Variants in CCNG1 observed in about 807,000 individuals in gnomAD.
CCNG1 encodes the protein cyclin-G1.
A neutral mutation model predicts 30.0 loss-of-function variants in CCNG1; 13 were observed. The ratio of observed to expected loss-of-function variants is 0.43; its 90% CI spans 0.28 to 0.69. The LOEUF (loss-of-function observed/expected upper bound fraction) is 0.69. Among genes scored for constraint, CCNG1 ranks in the 30% least tolerant of loss-of-function variants. The probability of loss-of-function intolerance (pLI) is 0.16; values close to 1 mark genes in which losing one functional copy is unlikely to be tolerated. For missense variants in CCNG1, 285 were observed against 331.4 expected, an observed-to-expected ratio of 0.86 and a Z score of 1.09; for synonymous variants, 110 against 121.5, an observed-to-expected ratio of 0.91 and a Z score of 0.62.
At chr5:163,438,733 A>G (rs1266588586) in intron 1 of CCNG1, among the ~76,000 whole-genome samples, 2 of 152,218 alleles carry the variant, frequency 1.3e-5, no homozygotes, top group African/African-American at 4.8e-5. Flanking sequence ...ATTTTTCTAA[A>G]AAGCATGGTT....
chr5:163,443,768 C>T lies in CCNG1; in HGVS notation c.*98C>T. On this transcript the variant is annotated 3_prime_UTR_variant, in exon 7 of 7. Transcript: ENST00000340828. Reference sequence around the variant, plus strand: ...TTACAATGGATTTAAGCTATGAAGCCTCAAAACATCACGAGATAAGCATGA... The same window carrying T: ...TTACAATGGATTTAAGCTATGAAGCTTCAAAACATCACGAGATAAGCATGA... The T allele has an allele frequency of 1.5e-6, 2 of 1,351,452 alleles. No homozygotes were observed. The highest frequency in any genetic ancestry group is 1.0e-6 in the Non-Finnish European group (1 of 986,384). 83.7% of individuals were successfully genotyped at this position (1,351,452 alleles called of 1,614,324 possible).
intron 2 of CCNG1, among the ~76,000 whole-genome samples, chr5:163,440,850 A>T (rs1284258760): frequency 1.3e-5 from 2 of 152,202 alleles, no homozygotes; most frequent in Admixed American, 1.3e-4. Flanking sequence ...GCCAAACATT[A>T]TACTGAAACT....
At chr5:163,437,978 C>CT (rs1757574171) in intron 1 of CCNG1, among the ~76,000 whole-genome samples, 174 bp downstream of exon 1, 1 of 152,148 alleles carries the variant, frequency 6.6e-6, no homozygotes. Context: ...ATCCGGCCTC[C>CT]TGAGGTGCCT....
At chr5:163,441,430 A>G (rs1757813108) in intron 3 of CCNG1, 99 bp downstream of exon 3, 2 of 1,140,074 alleles carry the variant, frequency 1.8e-6, no homozygotes, top group Admixed American at 2.8e-5. Flanking sequence ...TCTAATAAAA[A>G]TAAGTAAAAT....
chr5:163,456,922 G>C, the CCNG1 span: 1 of 1,593,864 alleles, frequency 6.3e-7, no homozygotes, highest in Non-Finnish European at 8.6e-7. Flanking sequence ...CACTTCATCT[G>C]ACTTACTTCT....
Position 163,439,392 on chromosome 5 carries a change from A to C in CCNG1, c.136A>C (p.Arg46=), listed in dbSNP as rs1262453538. The C allele has an allele frequency of 1.2e-6, 2 of 1,614,130 alleles. No homozygotes were observed. The highest frequency in any genetic ancestry group is 1.7e-6 in the Non-Finnish European group (2 of 1,180,046). ...TGAGTCTGCACACGATAATGGCCTCAGAATGACTGCAAGACTAAGGGACTT... is the reference window on the plus strand; with the variant it reads ...TGAGTCTGCACACGATAATGGCCTCCGAATGACTGCAAGACTAAGGGACTT... ...LIESAHDNGL[R]MTARLRDFEV... The change falls in exon 2 of 7, where the codon AGA becomes CGA. Residue 46 remains arginine (R), a synonymous_variant. Transcript: ENST00000340828.
At chr5:163,456,996 T>C in the CCNG1 span, 8 of 1,613,440 alleles carry the variant, frequency 5.0e-6, no homozygotes, top group African/African-American at 1.1e-4. Context: ...ATCCGCTGCA[T>C]ATTCAGATTC....
At chr5:163,445,578 G>A (rs575880468), downstream of CCNG1, among the ~76,000 whole-genome samples, 15 of 150,334 alleles carry the variant, frequency 1.0e-4, no homozygotes, top group East Asian at 1.4e-3. Context: ...CTTAGCTTCC[G>A]AAATAGCTAG....
chr5:163,453,185 TA>T, the CCNG1 span: 1 of 152,154 alleles, frequency 6.6e-6, no homozygotes, highest in African/African-American at 2.4e-5. Flanking sequence ...TTTCAAGAGT[TA>T]AAAAGGGCAA....
At chr5:163,457,571 A>G in the CCNG1 span, 2 of 1,573,374 alleles carry the variant, frequency 1.3e-6, no homozygotes, top group Non-Finnish European at 1.7e-6. Flanking sequence ...CCCAAAGTCC[A>G]TGTTCCCTCA....
At chr5:163,443,192 G>T (rs527314867) in intron 6 of CCNG1, among the ~76,000 whole-genome samples, 5 of 151,924 alleles carry the variant, frequency 3.3e-5, no homozygotes, top group Non-Finnish European at 7.4e-5. Flanking sequence ...GGCGCCTGTA[G>T]TCCCAGCTAC....
At chr5:163,443,525 ATTTATTC>A in intron 6 of CCNG1, 142 bp from the exon 7 acceptor site, 1 of 586,792 alleles carries the variant, frequency 1.7e-6, no homozygotes. Flanking sequence ...CTCAGTGATG[ATTTATTC>A]TACTCAAAAC....
chr5:163,447,518 T>C (rs1326389373), downstream of CCNG1: 5 of 151,278 alleles, frequency 3.3e-5, no homozygotes, highest in Non-Finnish European at 7.4e-5. Flanking sequence ...TCATTTACAG[T>C]TGGAAACTTA....
At chr5:163,457,627 TA>T in the CCNG1 span, 1 of 1,506,736 alleles carries the variant, frequency 6.6e-7, no homozygotes, top group Non-Finnish European at 9.2e-7. Context: ...AATAAACATA[TA>T]AGGTGCTAAA....
the CCNG1 span, chr5:163,457,219 C>T: frequency 5.8e-6 from 5 of 858,772 alleles, no homozygotes; most frequent in African/African-American, 3.5e-5. Flanking sequence ...GAAACCTCCG[C>T]CCCCCGGGTT....
chr5:163,457,046 C>G, the CCNG1 span: 1 of 1,612,254 alleles, frequency 6.2e-7, no homozygotes, highest in East Asian at 2.2e-5. Flanking sequence ...CTCTCTTTGT[C>G]TTTGTAAGAA....
At chr5:163,450,707 C>A (rs1758156978), downstream of CCNG1, 1 of 152,174 alleles carries the variant, frequency 6.6e-6, no homozygotes, top group Admixed American at 6.5e-5. Flanking sequence ...CCTGCATACA[C>A]TGCTGGTGGG....
At chr5:163,452,180 T>A in the CCNG1 span, 1 of 152,152 alleles carries the variant, frequency 6.6e-6, no homozygotes, top group Non-Finnish European at 1.5e-5. Context: ...ATATGTGAAT[T>A]CATGGTTTTC....
the CCNG1 span, among the ~76,000 whole-genome samples, chr5:163,455,658 G>T: frequency 2.0e-5 from 3 of 151,946 alleles, no homozygotes; most frequent in Non-Finnish European, 1.5e-5. Flanking sequence ...CAGCTACTCG[G>T]GAGGCTGAGG....
Sources: allele counts gnomAD v4.1 joint callset (sites outside exome capture counted in the v4.1 genomes callset), GRCh38; gene constraint gnomAD v4.1.1; transcripts MANE v1.5; gene names NCBI Gene and HGNC (gene_info 2026-07-23, HGNC 2026-07-21).